ARSG: variants seen among roughly 807,000 people sequenced by gnomAD.
ARSG encodes the protein arylsulfatase G.
Under a neutral mutation model 50.5 loss-of-function variants are expected in ARSG, and 37 were observed. That is an observed-to-expected ratio of 0.73 (90% CI 0.56 to 0.96). The LOEUF (loss-of-function observed/expected upper bound fraction) is 0.96. Ranked by LOEUF, ARSG falls within the 50% of genes least tolerant of loss-of-function variation. The probability of loss-of-function intolerance (pLI) is 0.00; values close to 1 mark genes in which losing one functional copy is unlikely to be tolerated. For synonymous variants in ARSG, 225 were observed against 254.6 expected, an observed-to-expected ratio of 0.88 and a Z score of 1.11; for missense variants, 629 against 675.3, an observed-to-expected ratio of 0.93 and a Z score of 0.76.
intron 1 of ARSG, chr17:68,268,943 G>A (rs1407650226): frequency 1.4e-5 from 20 of 1,444,212 alleles, no homozygotes; most frequent in Middle Eastern, 1.8e-4. Context: ...AAACAAAAGC[G>A]ATGTTGGTAG....
At chr17:68,347,027 CG>C (rs1275587181) in intron 3 of ARSG, 97 bp from the exon 4 acceptor site, 22 of 1,571,946 alleles carry the variant, frequency 1.4e-5, no homozygotes, top group East Asian at 1.1e-4. Context: ...CAGTGCGAGG[CG>C]AAGCTAATGG....
chr17:68,421,963 GC>G, downstream of ARSG: 2 of 933,608 alleles, frequency 2.1e-6, no homozygotes, highest in Non-Finnish European at 3.4e-6. Flanking sequence ...CTCGCTCATG[GC>G]CACAGAATGG....
At chr17:68,343,481 C>A in intron 2 of ARSG, 123 bp from the exon 3 acceptor site, 1 of 1,019,304 alleles carries the variant, frequency 9.8e-7, no homozygotes, top group African/African-American at 1.6e-5. Context: ...CTGACTTGTT[C>A]CATGACTGGG....
intron 1 of ARSG, among the ~76,000 whole-genome samples, chr17:68,301,650 T>A (rs563053612): frequency 6.6e-6 from 1 of 152,364 alleles, no homozygotes; most frequent in East Asian, 1.9e-4. Flanking sequence ...TCTGTTACAA[T>A]GTAAACCAGA....
At position 68,307,630 on chromosome 17, in the gene ARSG, T is replaced by G. The variant is rs2076657074; in HGVS notation, c.137T>G (p.Met46Arg). The G allele has an allele frequency of 6.2e-6, 10 of 1,613,254 alleles. No individual in the cohort carries two copies. The highest frequency in any genetic ancestry group is 8.5e-6 in the Non-Finnish European group (10 of 1,179,284). Residue 46 changes from methionine to arginine, a missense_variant, in exon 2 of 12, where the codon ATG (methionine) becomes AGG (arginine). Coordinates refer to ENST00000621439, the MANE Select transcript of ARSG (RefSeq NM_001267727.2). The stretch of plus-strand genomic sequence containing the variant: ...TTTGTGATTATTTTGGCCGATGACA[T>G]GGGGTGGGGTGACCTGGGAGCAAAC... ...PNFVIILADD[M>R]GWGDLGANWA...
chr17:68,272,472 G>T (rs781838230), intron 1 of ARSG, among the ~76,000 whole-genome samples: 3 of 152,176 alleles, frequency 2.0e-5, no homozygotes, highest in Non-Finnish European at 4.4e-5. Flanking sequence ...TAAAGTGGGG[G>T]TTAGGGAGGA....
At chr17:68,349,040 G>A (rs1164881356) in intron 4 of ARSG, among the ~76,000 whole-genome samples, 1 of 152,116 alleles carries the variant, frequency 6.6e-6, no homozygotes, top group Non-Finnish European at 1.5e-5. Flanking sequence ...GGTGGCTCAC[G>A]CCTGTAATCC....
chr17:68,260,649 C>T (rs1405583400), intron 1 of ARSG, among the ~76,000 whole-genome samples: 7 of 151,970 alleles, frequency 4.6e-5, no homozygotes, highest in Non-Finnish European at 5.9e-5. Context: ...CACCATGCCC[C>T]GTGTATTTTT....
chr17:68,390,948 G>A (rs2080965200), intron 9 of ARSG, among the ~76,000 whole-genome samples: 1 of 148,194 alleles, frequency 6.7e-6, no homozygotes, highest in Admixed American at 6.7e-5. Context: ...TTTTAATGAA[G>A]GAAGAGACCC....
the ARSG span, chr17:68,436,422 A>C: frequency 1.2e-6 from 2 of 1,614,074 alleles, no homozygotes; most frequent in Admixed American, 3.3e-5. Context: ...CCCTGAAGTC[A>C]GGCTTCCAGG....
At chr17:68,403,782 A>C (rs935833376) in intron 11 of ARSG, among the ~76,000 whole-genome samples, 5 of 152,150 alleles carry the variant, frequency 3.3e-5, no homozygotes, top group African/African-American at 7.2e-5. Context: ...CTATGTATAC[A>C]TGTGCCATGT....
intron 6 of ARSG, among the ~76,000 whole-genome samples, chr17:68,357,007 A>G (rs2079063185): frequency 6.6e-6 from 1 of 152,190 alleles, no homozygotes; most frequent in Non-Finnish European, 1.5e-5. Context: ...GAGATTCCTC[A>G]GGTATGTTCC....
chr17:68,422,753 AAAG>A (rs1331845605), downstream of ARSG: 12 of 151,500 alleles, frequency 7.9e-5, no homozygotes, highest in Admixed American at 1.3e-4. Flanking sequence ...AAAAAAAAAA[AAAG>A]GGAAGGTCAG....
chr17:68,375,630 G>T (rs1050278518), intron 8 of ARSG, among the ~76,000 whole-genome samples: 2 of 152,176 alleles, frequency 1.3e-5, no homozygotes, highest in African/African-American at 4.8e-5. Context: ...GCCATATGTG[G>T]CTAGTGGCTA....
the ARSG span, chr17:68,436,298 C>T: frequency 1.6e-5 from 20 of 1,273,538 alleles, no homozygotes; most frequent in Middle Eastern, 4.0e-4. Context: ...CAGCCCCCGA[C>T]GGCAGGGCGT....
At chr17:68,346,394 T>C (rs2078504608) in intron 3 of ARSG, among the ~76,000 whole-genome samples, 1 of 152,230 alleles carries the variant, frequency 6.6e-6, no homozygotes, top group African/African-American at 2.4e-5. Flanking sequence ...GGTTGCCCGT[T>C]AATCTCTCGT....
At chr17:68,444,405 C>A in the ARSG span, 24 of 1,225,100 alleles carry the variant, frequency 2.0e-5, no homozygotes, top group East Asian at 5.6e-4. Flanking sequence ...CACTGCTTCA[C>A]GTTCGCAATT....
At chr17:68,306,077 G>A (rs782500832) in intron 1 of ARSG, among the ~76,000 whole-genome samples, 1 of 151,250 alleles carries the variant, frequency 6.6e-6, no homozygotes, top group Non-Finnish European at 1.5e-5. Context: ...ATCTCAGCTC[G>A]CCGCAATCTC....
At chr17:68,403,511 T>C (rs545553908) in intron 11 of ARSG, among the ~76,000 whole-genome samples, 1 of 152,352 alleles carries the variant, frequency 6.6e-6, no homozygotes, top group South Asian at 2.1e-4. Flanking sequence ...CTCTTGCTTC[T>C]AATATTTGCA....
Sources: allele counts gnomAD v4.1 joint callset (sites outside exome capture counted in the v4.1 genomes callset), GRCh38; gene constraint gnomAD v4.1.1; transcripts MANE v1.5; gene names NCBI Gene and HGNC (gene_info 2026-07-23, HGNC 2026-07-21).